AP2B1: variants seen among roughly 807,000 people sequenced by gnomAD.
The protein encoded by AP2B1 is adaptor related protein complex 2 subunit beta 1.
AP2B1 carries 23 observed loss-of-function variants against 102.0 expected under a neutral mutation model. The observed-to-expected ratio is 0.23, with a 90% CI of 0.16 to 0.32. The LOEUF is 0.32. Among genes scored for constraint, AP2B1 ranks in the 10% least tolerant of loss-of-function variants. The pLI is 1.00. For missense variants in AP2B1, 541 were observed against 1,157.4 expected (o/e 0.47, Z 7.73); for synonymous variants, 381 against 421.2 (o/e 0.90, Z 1.17).
Position 35,725,094 on chromosome 17 carries a change from T to C in AP2B1, c.*1395T>C, listed in dbSNP as rs782669878. 3 of 152,210 alleles carry C rather than the reference T, an allele frequency of 2.0e-5. No homozygotes were observed. Among genetic ancestry groups the C allele is most frequent in the African/African-American group, 4.8e-5 (2 of 41,458 alleles). 9.4% of individuals were successfully genotyped at this position (152,210 alleles called of 1,614,324 possible). On this transcript the variant is annotated 3_prime_UTR_variant, in exon 22 of 22. Coordinates refer to ENST00000610402, the MANE Select transcript of AP2B1 (RefSeq NM_001030006.2). ...ACTTAGTCTGCAGGGCATATTAAGA[T>C]CATCCCAGAGGTTCAGGCAGTTCCT...
Position 35,657,797 on chromosome 17 carries a change from C to T in AP2B1, c.1989+6C>T. 6.2e-7 allele frequency: 1 copy of T among 1,605,842 alleles called. No individual in the cohort carries two copies. Among genetic ancestry groups the T allele is most frequent in the South Asian group, 1.1e-5 (1 of 90,060 alleles). On this transcript the variant is annotated splice_donor_region_variant and intron_variant, in intron 14 of 21. Transcript: ENST00000610402. ...GAGGAGGACTAGATAGTCTGGTAAG[C>T]ATCTTTCTTCCCTTGTTCTTTTGGT...
In AP2B1 at chr17:35,710,232, A is replaced by C. The variant is rs2076419970; in HGVS notation, c.2540-2A>C. On this transcript the variant is annotated splice_acceptor_variant, in intron 19 of 21. Transcript: ENST00000610402. LOFTEE classifies it high-confidence loss of function. ...ATCCTTCCCCTCTGCTTTCCCATAC[A>C]GAGCGCCAGGTCTTCCTTGCAACAT... 1 of 1,610,312 alleles carries C rather than the reference A, an allele frequency of 6.2e-7. No homozygotes were observed. Among genetic ancestry groups the C allele is most frequent in the Non-Finnish European group, 8.5e-7 (1 of 1,176,758 alleles).
chr17:35,592,208 C>T (rs982388149), intron 1 of AP2B1, among the ~76,000 whole-genome samples: 1 of 152,030 alleles, frequency 6.6e-6, no homozygotes, highest in African/African-American at 2.4e-5. Context: ...TTGCCAAATA[C>T]ATTATGTCAT....
At chr17:35,617,094 C>T (rs921637051) in intron 5 of AP2B1, among the ~76,000 whole-genome samples, 3 of 152,128 alleles carry the variant, frequency 2.0e-5, no homozygotes, top group Admixed American at 2.0e-4. Context: ...CTTGCTCTGT[C>T]GCGTAGGCTG....
chr17:35,718,173 A>G (rs1321152851), intron 21 of AP2B1, among the ~76,000 whole-genome samples: 2 of 150,982 alleles, frequency 1.3e-5, no homozygotes, highest in African/African-American at 4.9e-5. Context: ...TTTAGCTGAG[A>G]AAACTCTGTG....
intron 14 of AP2B1, 29 bp downstream of exon 14, chr17:35,657,820 G>T: frequency 1.9e-6 from 3 of 1,586,354 alleles, no homozygotes; most frequent in East Asian, 2.3e-5. Flanking sequence ...TTGTTCTTTT[G>T]GTTATTTTTA....
In AP2B1 at chr17:35,716,698, G is replaced by A. The variant is rs148517673; in HGVS notation, c.2627-497G>A. 3.6e-4 allele frequency among the ~76,000 whole-genome samples: 55 copies of A among 152,228 alleles called. 1 individual carries two copies. The highest frequency in any genetic ancestry group is 1.1e-3 in the African/African-American group (45 of 41,536). On this transcript the variant is annotated intron_variant, in intron 20 of 21. Coordinates refer to ENST00000610402, the MANE Select transcript of AP2B1 (RefSeq NM_001030006.2). ...TGGGCCCTTCCTGATCCTGGCAGTTGAGGCCCGAATGGCTCACAATGAAGT... is the reference window on the plus strand; with the variant it reads ...TGGGCCCTTCCTGATCCTGGCAGTTAAGGCCCGAATGGCTCACAATGAAGT...
chr17:35,705,056 A>G (rs1029317054), intron 18 of AP2B1, among the ~76,000 whole-genome samples: 15 of 152,058 alleles, frequency 9.9e-5, no homozygotes, highest in Non-Finnish European at 1.6e-4. Context: ...AAAGAACAAC[A>G]TATAAAAAAG....
rs1324333805 is a variant in AP2B1 at position 35,720,573 on chromosome 17, A to ATATATTTT, written c.2782-3051_2782-3050insATATTTTT. Among the ~76,000 whole-genome samples, 48 of 28,034 alleles carry ATATATTTT rather than the reference A, an allele frequency of 1.7e-3. 1 individual carries two copies. The highest frequency in any genetic ancestry group is 2.5e-3 in the East Asian group (2 of 804). The allele number at this position is 28,034 out of a possible 152,430, so 18.4% of individuals were successfully genotyped here. A position where few individuals can be genotyped will look rare whatever the true frequency, so the allele number is the denominator to read the frequency against. ...TATATATATATATATATATATATATATTTTTTTTTTTTTTTTTTTTTTTTT... is the reference window on the plus strand; with the variant it reads ...TATATATATATATATATATATATATATATATTTTTTTTTTTTTTTTTTTTTTTTTTTTT... On this transcript the variant is annotated intron_variant, in intron 21 of 21. Transcript: ENST00000610402.
chr17:35,616,410 C>G (rs1361696861), intron 5 of AP2B1, among the ~76,000 whole-genome samples: 2 of 151,870 alleles, frequency 1.3e-5, no homozygotes, highest in Non-Finnish European at 2.9e-5. Flanking sequence ...CCTCGTGATC[C>G]GCCCGCCTCG....
chr17:35,674,073 G>T (rs893078167), intron 16 of AP2B1, 103 bp from the exon 17 acceptor site: 11 of 1,180,972 alleles, frequency 9.3e-6, no homozygotes, highest in Non-Finnish European at 1.3e-5. Context: ...AAGTGAATTT[G>T]TTCACTTAAT....
chr17:35,702,452 C>T (rs1468639343), intron 18 of AP2B1, among the ~76,000 whole-genome samples: 1 of 152,194 alleles, frequency 6.6e-6, no homozygotes, highest in Non-Finnish European at 1.5e-5. Context: ...CAACAGGCTC[C>T]TGCAGCTGGA....
chr17:35,629,752 G>C (rs1346616939), intron 9 of AP2B1, among the ~76,000 whole-genome samples: 3 of 152,184 alleles, frequency 2.0e-5, no homozygotes, highest in Non-Finnish European at 2.9e-5. Context: ...CTTTAGGGAA[G>C]GGGGTTTATC....
intron 3 of AP2B1, among the ~76,000 whole-genome samples, chr17:35,605,415 A>G (rs1766934711): frequency 6.6e-6 from 1 of 151,766 alleles, no homozygotes; most frequent in African/African-American, 2.4e-5. Context: ...TGCCTGGCTA[A>G]TTTTTTGTAT....
At chr17:35,652,053 A>G (rs2075100573) in intron 13 of AP2B1, among the ~76,000 whole-genome samples, 1 of 152,210 alleles carries the variant, frequency 6.6e-6, no homozygotes, top group Non-Finnish European at 1.5e-5. Flanking sequence ...ATCAACAAAC[A>G]AAAACAACGC....
At chr17:35,619,276 GCTATTCCAGTCTTTT>G in intron 5 of AP2B1, among the ~76,000 whole-genome samples, 1 of 152,284 alleles carries the variant, frequency 6.6e-6, no homozygotes. Flanking sequence ...ATACATTTTA[GCTATTCCAGTCTTTT>G]ATCTCTGTAA....
intron 1 of AP2B1, chr17:35,588,030 G>C (rs914537058): frequency 6.6e-6 from 1 of 151,094 alleles, no homozygotes; most frequent in African/African-American, 2.4e-5. Flanking sequence ...ATGTAAGAGA[G>C]GGGGAAGCAA....
Position 35,679,783 on chromosome 17 carries a change from A to G in AP2B1, c.2325-2912A>G, listed in dbSNP as rs150945471. 4.6e-3 allele frequency among the ~76,000 whole-genome samples: 703 copies of G among 152,264 alleles called. 11 individuals are homozygous for G. Among genetic ancestry groups the G allele is most frequent in the Non-Finnish European group, 4.0e-3 (271 of 68,026 alleles). Reference sequence around the variant, plus strand: ...AAAAGAGTAAAATTTTTTTTGCCTTATAACTATTATGCCTAAATGAGTGAT... The same window carrying G: ...AAAAGAGTAAAATTTTTTTTGCCTTGTAACTATTATGCCTAAATGAGTGAT... On this transcript the variant is annotated intron_variant, in intron 17 of 21. Coordinates refer to ENST00000610402, the MANE Select transcript of AP2B1 (RefSeq NM_001030006.2).
At position 35,664,786 on chromosome 17, in the gene AP2B1, G is replaced by T. The variant is rs114011996; in HGVS notation, c.1990-6071G>T. Among the ~76,000 whole-genome samples, 973 of 152,272 alleles carry T rather than the reference G, an allele frequency of 6.4e-3. 9 individuals are homozygous for T. The highest frequency in any genetic ancestry group is 0.022 in the African/African-American group (926 of 41,542). On this transcript the variant is annotated intron_variant, in intron 14 of 21. Transcript: ENST00000610402. ...GGAGACAAATGATAAAGTAGCAAATGCTGTGAAACAAAGTGAGACAGAATA... is the reference window on the plus strand; with the variant it reads ...GGAGACAAATGATAAAGTAGCAAATTCTGTGAAACAAAGTGAGACAGAATA...
Sources: allele counts gnomAD v4.1 joint callset (sites outside exome capture counted in the v4.1 genomes callset), GRCh38; gene constraint gnomAD v4.1.1; transcripts MANE v1.5; gene names NCBI Gene and HGNC (gene_info 2026-07-23, HGNC 2026-07-21).